SS18: variants seen among roughly 807,000 people sequenced by gnomAD.
SS18 encodes the protein protein SSXT.
In SS18, 28 loss-of-function variants were observed where a neutral mutation model predicts 72.5. The ratio of observed to expected loss-of-function variants is 0.39; its 90% CI spans 0.29 to 0.53. The LOEUF (loss-of-function observed/expected upper bound fraction) is 0.53, where lower values mean the gene tolerates loss of function less well. Among genes scored for constraint, SS18 ranks in the 20% least tolerant of loss-of-function variants. The pLI is 0.76. For missense variants in SS18, 518 were observed against 535.3 expected, an observed-to-expected ratio of 0.97 and a Z score of 0.32; for synonymous variants, 172 against 164.2, an observed-to-expected ratio of 1.05 and a Z score of -0.37.
chr18:26,055,195 G>C (rs949446617), intron 4 of SS18, among the ~76,000 whole-genome samples: 2 of 151,926 alleles, frequency 1.3e-5, no homozygotes, highest in Admixed American at 6.6e-5. Flanking sequence ...GGCTGGACTC[G>C]GTGGCTCATG....
At chr18:26,090,316 A>T (rs1247179095) in intron 1 of SS18, among the ~76,000 whole-genome samples, 185 bp downstream of exon 1, 1 of 151,838 alleles carries the variant, frequency 6.6e-6, no homozygotes, top group Non-Finnish European at 1.5e-5. Context: ...TCCGAGAAAA[A>T]CCGGTTCACC....
chr18:26,044,328 ATT>A (rs56030633), intron 5 of SS18, among the ~76,000 whole-genome samples: 5 of 140,490 alleles, frequency 3.6e-5, no homozygotes, highest in African/African-American at 5.3e-5. Context: ...ATTTTTTTAG[ATT>A]TTTTTTTTTT....
At chr18:26,082,544 TAAG>T in intron 2 of SS18, 1 of 981,784 alleles carries the variant, frequency 1.0e-6, no homozygotes, top group Non-Finnish European at 1.2e-6. Flanking sequence ...ATGCAAAAAA[TAAG>T]AAATGATTTA....
At chr18:26,038,495 T>A (rs1271305550) in intron 7 of SS18, 60 bp downstream of exon 7, 1 of 1,459,222 alleles carries the variant, frequency 6.9e-7, no homozygotes, top group African/African-American at 1.4e-5. Flanking sequence ...TTTAAATAAC[T>A]CTCTACATTA....
intron 3 of SS18, among the ~76,000 whole-genome samples, chr18:26,068,853 A>G (rs1313153288): frequency 6.6e-6 from 1 of 152,228 alleles, no homozygotes; most frequent in South Asian, 2.1e-4. Flanking sequence ...CTTTGTAAAG[A>G]TACTTACAAA....
intron 4 of SS18, among the ~76,000 whole-genome samples, chr18:26,053,667 T>C (rs912522059): frequency 6.6e-6 from 1 of 150,568 alleles, no homozygotes; most frequent in African/African-American, 2.5e-5. Context: ...AGGGAATGAC[T>C]AGTTCACACA....
intron 2 of SS18, among the ~76,000 whole-genome samples, chr18:26,086,580 G>A (rs1161015595): frequency 6.6e-6 from 1 of 152,018 alleles, no homozygotes; most frequent in Non-Finnish European, 1.5e-5. Context: ...CACACATGTG[G>A]CTCCCATTTA....
intron 3 of SS18, among the ~76,000 whole-genome samples, chr18:26,074,210 TA>T (rs1171953856): frequency 1.3e-5 from 2 of 151,484 alleles, no homozygotes; most frequent in African/African-American, 4.9e-5. Flanking sequence ...TATACATGAG[TA>T]AAAATCTATT....
rs746861568 is a variant in SS18, at chr18:26,038,587, G to A, written c.848C>T (p.Pro283Leu). The A allele has an allele frequency of 6.2e-7, 1 of 1,613,478 alleles. No individual in the cohort carries two copies. The highest frequency in any genetic ancestry group is 8.5e-7 in the Non-Finnish European group (1 of 1,179,550). The stretch of plus-strand genomic sequence containing the variant: ...GTAATATTGCTGGTTCATGCCTTCT[G>A]GAGGACCTTGTCCACCATGACTGTA... ...DQYSHGGQGP[P>L]EGMNQQYYPD... is the part of the protein sequence containing the mutation. Residue 283 changes from proline to leucine, a missense_variant, in exon 7 of 11, where the codon CCA becomes CTA. By Grantham distance (98) the Pro-to-Leu change is moderately conservative. Coordinates refer to ENST00000415083, the MANE Select transcript of SS18 (RefSeq NM_001007559.3).
At chr18:26,090,706 C>T (rs774914753), upstream of SS18, 456 of 913,618 alleles carry the variant, frequency 5.0e-4, no homozygotes, top group Non-Finnish European at 7.2e-4. Context: ...AGCGGACGGG[C>T]GGCGGGGCAG....
chr18:26,022,750 CCCT>C (rs2053374912), intron 10 of SS18, among the ~76,000 whole-genome samples: 2 of 152,176 alleles, frequency 1.3e-5, no homozygotes, highest in Non-Finnish European at 2.9e-5. Context: ...TGCAGAGGAA[CCCT>C]CCTCCTATTC....
intron 10 of SS18, among the ~76,000 whole-genome samples, chr18:26,020,971 C>T (rs2053338436): frequency 1.3e-5 from 2 of 152,094 alleles, no homozygotes; most frequent in African/African-American, 4.8e-5. Context: ...CAGTTTGTGT[C>T]ACATATTGTA....
chr18:26,060,365 T>C (rs1598582566), intron 3 of SS18, among the ~76,000 whole-genome samples: 1 of 152,098 alleles, frequency 6.6e-6, no homozygotes, highest in Admixed American at 6.5e-5. Flanking sequence ...AGACAGAAAG[T>C]AGATTTGCTG....
At chr18:26,043,969 C>T (rs74563556) in intron 5 of SS18, among the ~76,000 whole-genome samples, 1,697 of 152,226 alleles carry the variant, frequency 0.011, 23 homozygotes, top group Non-Finnish European at 0.014. Flanking sequence ...GTGACACAGA[C>T]CATCTTTACA....
chr18:26,052,844 C>T lies in SS18; in HGVS notation c.387G>A (p.Gly129=). 6.2e-7 allele frequency: 1 copy of T among 1,610,728 alleles called. No homozygotes were observed. The highest frequency in any genetic ancestry group is 8.5e-7 in the Non-Finnish European group (1 of 1,177,276). ...MQNQMNGQMP[G]PNHMPMQGPG... ...GTCCCTGCATAGGCATATGGTTAGG[C>T]CCTTTGAAGAAAAATGATCAGAAGC... Residue 129 remains glycine, a splice_region_variant and synonymous_variant, in exon 5 of 11, where the codon GGG becomes GGA. Coordinates refer to ENST00000415083, the MANE Select transcript of SS18 (RefSeq NM_001007559.3).
intron 9 of SS18, among the ~76,000 whole-genome samples, 178 bp downstream of exon 9, chr18:26,034,827 T>C (rs1374970481): frequency 6.6e-6 from 1 of 152,226 alleles, no homozygotes; most frequent in Admixed American, 6.5e-5. Context: ...TCTTTTTAAA[T>C]GGATTACTAG....
intron 1 of SS18, among the ~76,000 whole-genome samples, chr18:26,088,906 T>C (rs2054664875): frequency 6.6e-6 from 1 of 152,042 alleles, no homozygotes; most frequent in Non-Finnish European, 1.5e-5. Context: ...ACTAACATGA[T>C]CTGCTAATAA....
At position 26,039,473 on chromosome 18, in the gene SS18, C is replaced by G. The variant is rs988006654; in HGVS notation, c.608-17G>C. On this transcript the variant is annotated splice_polypyrimidine_tract_variant and intron_variant, in intron 5 of 10. Coordinates refer to ENST00000415083, the MANE Select transcript of SS18 (RefSeq NM_001007559.3). ...TCATTGGACCTGAAACAAGACACAA[C>G]ATTATACACATAATTTTTTGTATAT... The G allele has an allele frequency of 1.3e-6, 2 of 1,575,544 alleles. No homozygotes were observed. Among genetic ancestry groups the G allele is most frequent in the African/African-American group, 2.7e-5 (2 of 74,350 alleles).
Position 26,017,347 on chromosome 18 carries a change from C to A in SS18, c.*1007G>T. Reference sequence around the variant, plus strand: ...ACAAAGGTTTGTAAAGTCTCCTGAACTATTCAGTTTAATAACCAATTATCC... The same window carrying A: ...ACAAAGGTTTGTAAAGTCTCCTGAAATATTCAGTTTAATAACCAATTATCC... On this transcript the variant is annotated 3_prime_UTR_variant, in exon 11 of 11. Coordinates refer to ENST00000415083, the MANE Select transcript of SS18 (RefSeq NM_001007559.3). 1 of 192,464 alleles carries A rather than the reference C, an allele frequency of 5.2e-6. No individual in the cohort carries two copies. The highest frequency in any genetic ancestry group is 6.1e-5 in the Admixed American group (1 of 16,378). 11.9% of individuals were successfully genotyped at this position (192,464 alleles called of 1,614,324 possible).
Sources: allele counts gnomAD v4.1 joint callset (sites outside exome capture counted in the v4.1 genomes callset), GRCh38; gene constraint gnomAD v4.1.1; transcripts MANE v1.5; gene names NCBI Gene and HGNC (gene_info 2026-07-23, HGNC 2026-07-21).